The following FBXL17 variants were observed in gnomAD, a reference collection of about 807,000 sequenced individuals.
FBXL17 encodes the protein F-box/LRR-repeat protein 17.
Under a neutral mutation model 66.2 loss-of-function variants are expected in FBXL17, and 22 were observed. The ratio of observed to expected loss-of-function variants is 0.33; its 90% CI spans 0.24 to 0.47. The LOEUF (loss-of-function observed/expected upper bound fraction) is 0.47, where lower values mean the gene tolerates loss of function less well. Ranked by LOEUF, FBXL17 falls within the 20% of genes least tolerant of loss-of-function variation. The pLI is 1.00. For synonymous variants in FBXL17, 474 were observed against 400.5 expected (o/e 1.18, Z -2.19); for missense variants, 878 against 948.2 (o/e 0.93, Z 0.97).
intron 7 of FBXL17, among the ~76,000 whole-genome samples, chr5:107,982,892 T>C (rs770503242): frequency 6.6e-6 from 1 of 152,134 alleles, no homozygotes. Context: ...ACTACAGTGC[T>C]CCTCCCATGC....
intron 4 of FBXL17, among the ~76,000 whole-genome samples, chr5:108,268,797 A>C (rs1757147929): frequency 6.6e-6 from 1 of 152,092 alleles, no homozygotes; most frequent in South Asian, 2.1e-4. Context: ...GGGGAGGTAG[A>C]ATTGTACCAC....
chr5:108,083,797 CA>C lies in FBXL17; in HGVS notation c.1746-62797del, dbSNP rs532607171. 3.0e-3 allele frequency among the ~76,000 whole-genome samples: 451 copies of C among 151,850 alleles called. 1 individual carries two copies. Among genetic ancestry groups the C allele is most frequent in the African/African-American group, 0.01 (428 of 41,402 alleles). On this transcript the variant is annotated intron_variant, in intron 6 of 8. Transcript: ENST00000542267. ...CTCATAAAGTATGATTAAACATGACCAAAAAAACATATGGCATAACAGCAAC... is the reference window on the plus strand; with the variant it reads ...CTCATAAAGTATGATTAAACATGACCAAAAAACATATGGCATAACAGCAAC...
chr5:108,338,898 G>C (rs1746691507), intron 4 of FBXL17, among the ~76,000 whole-genome samples: 1 of 152,112 alleles, frequency 6.6e-6, no homozygotes, highest in Non-Finnish European at 1.5e-5. Context: ...AAAATCTGCA[G>C]CACTAATAGG....
intron 7 of FBXL17, among the ~76,000 whole-genome samples, chr5:107,885,782 A>C (rs1170015546): frequency 6.6e-6 from 1 of 152,140 alleles, no homozygotes; most frequent in Non-Finnish European, 1.5e-5. Flanking sequence ...GAAACCACAA[A>C]ATACTGTGTA....
chr5:108,141,502 C>A (rs1751348857), intron 6 of FBXL17, among the ~76,000 whole-genome samples: 1 of 152,184 alleles, frequency 6.6e-6, no homozygotes, highest in Non-Finnish European at 1.5e-5. Flanking sequence ...CATACCTAAG[C>A]CATTGTAGGA....
chr5:107,887,826 A>G (rs1749026124), intron 7 of FBXL17, among the ~76,000 whole-genome samples: 1 of 152,182 alleles, frequency 6.6e-6, no homozygotes. Context: ...AAGCTATAAA[A>G]GTTTCTGTGA....
intron 7 of FBXL17, among the ~76,000 whole-genome samples, chr5:108,005,452 T>C (rs953786434): frequency 7.9e-5 from 12 of 152,216 alleles, no homozygotes; most frequent in Middle Eastern, 6.8e-3. Flanking sequence ...TGGATGGTGG[T>C]TAAATATCTG....
chr5:108,013,921 A>G (rs1472846372), intron 7 of FBXL17, among the ~76,000 whole-genome samples: 1 of 152,166 alleles, frequency 6.6e-6, no homozygotes, highest in African/African-American at 2.4e-5. Flanking sequence ...CTTGTTTGGC[A>G]TACTGGAAGT....
chr5:108,166,524 T>C (rs539595845), intron 6 of FBXL17, among the ~76,000 whole-genome samples: 1 of 152,336 alleles, frequency 6.6e-6, no homozygotes, highest in East Asian at 1.9e-4. Context: ...TCTAAGACAG[T>C]GCTGATCTGT....
At chr5:108,133,911 C>A (rs1455634671) in intron 6 of FBXL17, among the ~76,000 whole-genome samples, 1 of 152,036 alleles carries the variant, frequency 6.6e-6, no homozygotes, top group African/African-American at 2.4e-5. Flanking sequence ...TCAGTAAATA[C>A]CAGCTGCTCT....
intron 6 of FBXL17, among the ~76,000 whole-genome samples, chr5:108,154,590 C>CAA (rs1162622917): frequency 0.028 from 1,126 of 39,844 alleles, 82 homozygotes; most frequent in African/African-American, 0.11. Flanking sequence ...AACTCAGTTT[C>CAA]AAAAAAAAAA....
chr5:108,311,160 TTTTTTA>T (rs907579398), intron 4 of FBXL17, among the ~76,000 whole-genome samples: 3 of 151,834 alleles, frequency 2.0e-5, no homozygotes, highest in African/African-American at 7.3e-5. Flanking sequence ...TCACCTACCT[TTTTTTA>T]TTTTTATTTT....
chr5:108,214,291 T>C (rs2922417), intron 5 of FBXL17, among the ~76,000 whole-genome samples: 117,918 of 151,682 alleles, frequency 0.78, 46,548 homozygotes, highest in East Asian at 0.93. Flanking sequence ...TAAGGGGGAA[T>C]TACTGTATAT....
intron 4 of FBXL17, among the ~76,000 whole-genome samples, chr5:108,294,043 C>CAAAA (rs71624893): frequency 1.5e-3 from 78 of 51,018 alleles, no homozygotes; most frequent in Admixed American, 3.2e-3. Flanking sequence ...TCTTGTCTCA[C>CAAAA]AAAAAAAAAA....
chr5:107,876,309 G>T (rs189111105), intron 8 of FBXL17, among the ~76,000 whole-genome samples: 1 of 152,024 alleles, frequency 6.6e-6, no homozygotes, highest in South Asian at 2.1e-4. Context: ...CCCAGACGCT[G>T]GCATTTTCAA....
rs143538354 is a variant in FBXL17 at position 108,174,486 on chromosome 5, T to A, written c.1745+11631A>T. Among the ~76,000 whole-genome samples, 490 of 152,202 alleles carry A rather than the reference T, an allele frequency of 3.2e-3. 2 individuals carry two copies. Among genetic ancestry groups the A allele is most frequent in the South Asian group, 0.011 (51 of 4,824 alleles). ...CTGATGTGATTTGCAGTAGGTATGC[T>A]TGGTGGTTTTGAAACTCCTGCCAGT... On this transcript the variant is annotated intron_variant, in intron 6 of 8. Transcript: ENST00000542267.
chr5:108,320,103 A>G (rs1459829341), intron 4 of FBXL17, among the ~76,000 whole-genome samples: 1 of 151,662 alleles, frequency 6.6e-6, no homozygotes, highest in African/African-American at 2.4e-5. Context: ...GCTAGAAATT[A>G]TTTCACCACT....
intron 5 of FBXL17, among the ~76,000 whole-genome samples, chr5:108,203,190 T>C (rs1255417949): frequency 6.6e-6 from 1 of 152,154 alleles, no homozygotes; most frequent in Non-Finnish European, 1.5e-5. Context: ...TTAGCTTTTT[T>C]TTTTCATTGT....
At chr5:107,864,151 G>A (rs1443774374) in intron 8 of FBXL17, among the ~76,000 whole-genome samples, 2 of 152,154 alleles carry the variant, frequency 1.3e-5, no homozygotes, top group Non-Finnish European at 2.9e-5. Flanking sequence ...GCCTCGCACT[G>A]TGACTGATAT....
Sources: allele counts gnomAD v4.1 joint callset (sites outside exome capture counted in the v4.1 genomes callset), GRCh38; gene constraint gnomAD v4.1.1; transcripts MANE v1.5; gene names NCBI Gene and HGNC (gene_info 2026-07-23, HGNC 2026-07-21).